KDM6A: variants seen among roughly 807,000 people sequenced by gnomAD.
The protein encoded by KDM6A is lysine-specific demethylase 6A.
In KDM6A, 11 loss-of-function variants were observed where a neutral mutation model predicts 117.6. That is an observed-to-expected ratio of 0.09 (90% CI 0.06 to 0.15). KDM6A has a LOEUF of 0.15. Among genes scored for constraint, KDM6A ranks in the 10% least tolerant of loss-of-function variants. KDM6A has a pLI of 1.00. For synonymous variants in KDM6A, 384 were observed against 396.1 expected (o/e 0.97, Z 0.36); for missense variants, 799 against 1,077.3 (o/e 0.74, Z 3.62).
Position 45,094,214 on chromosome X carries a change from A to G in KDM6A, c.4034+3350A>G, listed in dbSNP as rs143957336. Among the ~76,000 whole-genome samples the G allele has an allele frequency of 1.1e-3, 125 of 112,136 alleles. No homozygotes were observed. In the East Asian group the frequency reaches 0.028, roughly 25 times the overall value. ...GCTCTAGGCTAGGCCCTGAGGGTTT[A>G]TAAATACATGGTATAGGTCCTTTCT... On this transcript the variant is annotated intron_variant, in intron 27 of 29. Transcript: ENST00000611820.
chrX:44,981,451 G>A lies in KDM6A; in HGVS notation c.384+6736G>A, dbSNP rs1388893879. Among the ~76,000 whole-genome samples, 3 of 111,758 alleles carry A rather than the reference G, an allele frequency of 2.7e-5. No individual in the cohort carries two copies. In the Admixed American group the frequency reaches 2.8e-4, roughly 11 times the overall value. ...CATGGAGCCTCCATGCCCTCTCTGG[G>A]CATGTCACCCTCTAGGGACTTCCGC... On this transcript the variant is annotated intron_variant, in intron 4 of 29. Coordinates refer to ENST00000611820, the MANE Select transcript of KDM6A (RefSeq NM_001291415.2).
At chrX:44,874,025 C>T (rs762804071) in intron 2 of KDM6A, 38 bp downstream of exon 2, 2 of 1,167,480 alleles carry the variant, frequency 1.7e-6, no homozygotes, top group Admixed American at 2.2e-5. Context: ...ACACCGTCTC[C>T]CTGGCCGGCG....
intron 4 of KDM6A, among the ~76,000 whole-genome samples, chrX:44,978,426 AAC>A (rs2039721984): frequency 8.9e-6 from 1 of 112,088 alleles, no homozygotes; most frequent in African/African-American, 3.2e-5. Flanking sequence ...GTATTTTACT[AAC>A]AGAGATTTTA....
intron 27 of KDM6A, among the ~76,000 whole-genome samples, chrX:45,095,097 C>G (rs1438603256): frequency 2.7e-5 from 3 of 111,137 alleles, no homozygotes; most frequent in Non-Finnish European, 5.7e-5. Context: ...GCTTTTAAGT[C>G]TGGATACTTA....
intron 2 of KDM6A, among the ~76,000 whole-genome samples, chrX:44,905,253 A>G (rs935685537): frequency 1.8e-5 from 2 of 112,326 alleles, no homozygotes; most frequent in East Asian, 2.8e-4. Flanking sequence ...CCATGTAACA[A>G]TATTTTGGTC....
chrX:44,987,664 T>C (rs1221716727), intron 4 of KDM6A, among the ~76,000 whole-genome samples: 4 of 111,678 alleles, frequency 3.6e-5, no homozygotes, highest in African/African-American at 1.3e-4. Context: ...CCTTCACTTA[T>C]GAAGCTTAGT....
rs202113812 is a variant in KDM6A at position 44,993,380 on chromosome X, C to CT, written c.385-17572dup. Among the ~76,000 whole-genome samples, 351 of 109,082 alleles carry CT rather than the reference C, an allele frequency of 3.2e-3. 1 individual carries two copies. The highest frequency in any genetic ancestry group is 0.011 in the African/African-American group (316 of 29,977). 94.7% of individuals were successfully genotyped at this position (109,082 alleles called of 115,157 possible). On this transcript the variant is annotated intron_variant, in intron 4 of 29. Coordinates refer to ENST00000611820, the MANE Select transcript of KDM6A (RefSeq NM_001291415.2). Reference sequence around the variant, plus strand: ...AAATAACTGAAAATAATTTTAATTGCTTTTTTTTTATTTGAGATGAGGTCT... The same window carrying CT: ...AAATAACTGAAAATAATTTTAATTGCTTTTTTTTTTATTTGAGATGAGGTCT...
At chrX:45,099,165 T>G (rs1228962332) in intron 27 of KDM6A, among the ~76,000 whole-genome samples, 1 of 111,462 alleles carries the variant, frequency 9.0e-6, no homozygotes, top group Non-Finnish European at 1.9e-5. Context: ...TACTTCATCC[T>G]GCATCTTAAG....
chrX:44,889,494 A>G (rs1040657647), intron 2 of KDM6A, among the ~76,000 whole-genome samples: 1 of 112,331 alleles, frequency 8.9e-6, no homozygotes, highest in Non-Finnish European at 1.9e-5. Context: ...TCGGCTTTTC[A>G]AAGATGACAA....
At chrX:45,058,082 C>G (rs1245220683) in intron 10 of KDM6A, among the ~76,000 whole-genome samples, 8 of 77,555 alleles carry the variant, frequency 1.0e-4, no homozygotes, top group Admixed American at 4.0e-4. Flanking sequence ...CTCTCCCCCC[C>G]CCCCCTTTTT....
At chrX:44,933,312 G>C (rs2036769459) in intron 2 of KDM6A, among the ~76,000 whole-genome samples, 1 of 91,333 alleles carries the variant, frequency 1.1e-5, no homozygotes, top group Admixed American at 1.3e-4. Context: ...CTGTCGCCCA[G>C]GCTGGAGTGC....
intron 4 of KDM6A, among the ~76,000 whole-genome samples, chrX:44,997,052 A>G (rs1397875114): frequency 2.7e-5 from 3 of 111,223 alleles, no homozygotes; most frequent in African/African-American, 6.5e-5. Context: ...CCCCACGGCA[A>G]TGTCTGTCTA....
At chrX:44,912,614 A>G (rs1365504095) in intron 2 of KDM6A, among the ~76,000 whole-genome samples, 1 of 112,279 alleles carries the variant, frequency 8.9e-6, no homozygotes, top group Non-Finnish European at 1.9e-5. Context: ...AATCTAAATT[A>G]ATGACCTACT....
intron 10 of KDM6A, 75 bp from the exon 11 acceptor site, chrX:45,058,931 C>T (rs1430231907): frequency 2.1e-6 from 2 of 940,561 alleles, no homozygotes; most frequent in Admixed American, 2.3e-5. Context: ...TATAGTCCAT[C>T]CTTTCAGCCG....
chrX:45,011,096 T>G (rs2041734535), intron 5 of KDM6A, 77 bp downstream of exon 5: 2 of 749,511 alleles, frequency 2.7e-6, no homozygotes, highest in Non-Finnish European at 4.1e-6. Flanking sequence ...TGCTTGATTT[T>G]TTGTGTGTGT....
chrX:45,077,296 A>G (rs1049295313), intron 19 of KDM6A, among the ~76,000 whole-genome samples: 1 of 111,068 alleles, frequency 9.0e-6, no homozygotes, highest in Non-Finnish European at 1.9e-5. Context: ...AACATTTAAA[A>G]CTAGATACTA....
intron 1 of KDM6A, 90 bp downstream of exon 1, chrX:44,873,802 G>A (rs1421481061): frequency 1.5e-5 from 17 of 1,137,892 alleles, no homozygotes; most frequent in Non-Finnish European, 2.0e-5. Flanking sequence ...TCTGGCGGCG[G>A]CGGGGCGGGC....
At chrX:45,067,644 C>CT (rs1267780901) in intron 17 of KDM6A, among the ~76,000 whole-genome samples, 1,208 of 89,919 alleles carry the variant, frequency 0.013, 55 homozygotes, top group African/African-American at 0.062. Flanking sequence ...TGGTGTGTAT[C>CT]TTTTTTTTGT....
intron 10 of KDM6A, among the ~76,000 whole-genome samples, chrX:45,054,999 A>G (rs781049672): frequency 2.7e-5 from 3 of 111,769 alleles, no homozygotes; most frequent in African/African-American, 9.7e-5. Context: ...ACAGTCCTCT[A>G]TAGCAAAGAA....
Sources: allele counts gnomAD v4.1 joint callset (sites outside exome capture counted in the v4.1 genomes callset), GRCh38; gene constraint gnomAD v4.1.1; transcripts MANE v1.5; gene names NCBI Gene and HGNC (gene_info 2026-07-23, HGNC 2026-07-21).